The following LHFPL4 variants were observed in gnomAD, a reference collection of about 807,000 sequenced individuals.
LHFPL4 encodes the protein LHFPL tetraspan subfamily member 4 protein.
LHFPL4 carries 6 observed loss-of-function variants against 20.0 expected under a neutral mutation model. The observed-to-expected ratio is 0.30, with a 90% CI of 0.16 to 0.59. The LOEUF (loss-of-function observed/expected upper bound fraction) is 0.59. LHFPL4 is among the 20% of genes least tolerant of loss of function. The pLI, the probability that LHFPL4 is intolerant of heterozygous loss-of-function variation, is 0.88. For missense variants in LHFPL4, 215 were observed against 331.2 expected (o/e 0.65, Z 2.72); for synonymous variants, 129 against 143.8 (o/e 0.90, Z 0.74).
chr3:9,521,247 GAC>G (rs201957620), intron 2 of LHFPL4, among the ~76,000 whole-genome samples: 5,907 of 61,672 alleles, frequency 0.096, 155 homozygotes, highest in Non-Finnish European at 0.13. Context: ...TTTTTTTTTT[GAC>G]AGTGTGGCTC....
chr3:9,520,501 G>T (rs559053042), intron 2 of LHFPL4, among the ~76,000 whole-genome samples: 2 of 151,868 alleles, frequency 1.3e-5, no homozygotes, highest in Non-Finnish European at 2.9e-5. Context: ...TTACAGGCAC[G>T]TGCCACCACG....
At chr3:9,516,940 G>A (rs374655322) in intron 2 of LHFPL4, among the ~76,000 whole-genome samples, 22 of 151,320 alleles carry the variant, frequency 1.5e-4, no homozygotes, top group East Asian at 1.2e-3. Context: ...CCACCACGCC[G>A]GGCTGATTTT....
intron 2 of LHFPL4, among the ~76,000 whole-genome samples, chr3:9,515,282 C>G (rs1316517232): frequency 6.6e-6 from 1 of 152,208 alleles, no homozygotes; most frequent in Non-Finnish European, 1.5e-5. Flanking sequence ...TGCTAACATG[C>G]CATCTGTATA....
chr3:9,547,352 A>G (rs2046522035), intron 2 of LHFPL4, among the ~76,000 whole-genome samples: 1 of 151,922 alleles, frequency 6.6e-6, no homozygotes, highest in Non-Finnish European at 1.5e-5. Flanking sequence ...CCTTAACCAC[A>G]CTTCACCTTG....
chr3:9,528,694 C>A (rs915640353), intron 2 of LHFPL4, among the ~76,000 whole-genome samples: 3 of 152,210 alleles, frequency 2.0e-5, no homozygotes, highest in African/African-American at 7.2e-5. Context: ...CAGCTCACTG[C>A]AACCTCTGTC....
chr3:9,536,906 G>A (rs1439632023), intron 2 of LHFPL4, among the ~76,000 whole-genome samples: 3 of 148,910 alleles, frequency 2.0e-5, no homozygotes, highest in Non-Finnish European at 3.0e-5. Context: ...GTGACAGAGC[G>A]AGACTCTGTC....
chr3:9,546,342 AG>A (rs1341932228), intron 2 of LHFPL4, among the ~76,000 whole-genome samples: 2 of 151,620 alleles, frequency 1.3e-5, no homozygotes, highest in Admixed American at 6.6e-5. Flanking sequence ...AAAGAAAAAA[AG>A]AACACACAAC....
At position 9,552,694 on chromosome 3, in the gene LHFPL4, GGGCC is replaced by G. The variant is rs775418633; in HGVS notation, c.-19_-16del. 5.1e-6 allele frequency: 7 copies of G among 1,369,850 alleles called. No homozygotes were observed. The South Asian group carries it at 1.6e-4, about 30-fold the overall frequency. The allele number at this position is 1,369,850 out of a possible 1,614,324, so 84.9% of individuals were successfully genotyped here. A position where few individuals can be genotyped will look rare whatever the true frequency, so the allele number is the denominator to read the frequency against. On this transcript the variant is annotated 5_prime_UTR_variant, in exon 2 of 4. Coordinates refer to ENST00000287585, the MANE Select transcript of LHFPL4 (RefSeq NM_198560.3). The stretch of plus-strand genomic sequence containing the variant: ...GAGGGCAGCATGGTGCCCGGAGGCG[GGGCC>G]GGCGGCGGCGGCGGCTGGCGGGGGC...
At chr3:9,512,211 G>A (rs1393418173) in intron 2 of LHFPL4, among the ~76,000 whole-genome samples, 1 of 152,206 alleles carries the variant, frequency 6.6e-6, no homozygotes, top group Non-Finnish European at 1.5e-5. Context: ...GATTACAGGC[G>A]TGAGCCACCG....
intron 2 of LHFPL4, among the ~76,000 whole-genome samples, chr3:9,524,800 T>G (rs531924439): frequency 6.6e-6 from 1 of 152,346 alleles, no homozygotes; most frequent in Admixed American, 6.5e-5. Context: ...CCTTTTAGTA[T>G]CCCTTGTAAT....
At chr3:9,538,584 G>A (rs370331221) in intron 2 of LHFPL4, among the ~76,000 whole-genome samples, 6 of 152,156 alleles carry the variant, frequency 3.9e-5, no homozygotes, top group African/African-American at 1.4e-4. Context: ...CCATGAGGCA[G>A]TTATTATTAT....
intron 2 of LHFPL4, among the ~76,000 whole-genome samples, chr3:9,522,290 G>C (rs983674672): frequency 6.6e-6 from 1 of 151,830 alleles, no homozygotes; most frequent in Non-Finnish European, 1.5e-5. Context: ...CACTGTGCCC[G>C]GCCAAGTACC....
intron 2 of LHFPL4, among the ~76,000 whole-genome samples, chr3:9,547,030 C>T (rs2046519502): frequency 6.6e-6 from 1 of 152,182 alleles, no homozygotes; most frequent in Non-Finnish European, 1.5e-5. Flanking sequence ...GCTCTGTTGC[C>T]CAGGCTAGAG....
chr3:9,509,246 C>CA (rs1360708289), intron 2 of LHFPL4, among the ~76,000 whole-genome samples: 3 of 146,766 alleles, frequency 2.0e-5, no homozygotes, highest in African/African-American at 7.7e-5. Context: ...TTCGCACCCC[C>CA]CTCTCTCTCT....
chr3:9,536,171 G>C (rs2046443180), intron 2 of LHFPL4, among the ~76,000 whole-genome samples: 1 of 152,210 alleles, frequency 6.6e-6, no homozygotes, highest in African/African-American at 2.4e-5. Context: ...GTCTCACAGG[G>C]AGATCCCCCA....
intron 2 of LHFPL4, chr3:9,550,563 C>T (rs2125668995): frequency 6.6e-6 from 1 of 152,310 alleles, no homozygotes; most frequent in East Asian, 1.9e-4. Flanking sequence ...CAGGATTAAA[C>T]CCACACAGAT....
chr3:9,551,942 T>C (rs1305179061), intron 2 of LHFPL4, among the ~76,000 whole-genome samples: 2 of 152,054 alleles, frequency 1.3e-5, no homozygotes, highest in Non-Finnish European at 1.5e-5. Flanking sequence ...ATACCTACAG[T>C]AACCCCTCAC....
intron 2 of LHFPL4, among the ~76,000 whole-genome samples, chr3:9,514,449 C>T (rs894186114): frequency 2.0e-5 from 3 of 152,150 alleles, no homozygotes; most frequent in East Asian, 3.8e-4. Flanking sequence ...CCCTCACTAT[C>T]GACATCCCCC....
rs905408729 is a variant in LHFPL4, at chr3:9,506,426, A to G, written c.407-223T>C. ...TAGCAGAAACTTTCTGGAACCCGCA[A>G]TGCCCTCTCCCTTCCCCATGAGATC... On this transcript the variant is annotated intron_variant, in intron 2 of 3. Coordinates refer to ENST00000287585, the MANE Select transcript of LHFPL4 (RefSeq NM_198560.3). The surrounding 1 kb of genome is among the most constrained non-coding windows in gnomAD (Gnocchi z 4.5). Among the ~76,000 whole-genome samples, 1 of 152,088 alleles carries G rather than the reference A, an allele frequency of 6.6e-6. No individual in the cohort carries two copies. The highest frequency in any genetic ancestry group is 6.6e-5 in the Admixed American group (1 of 15,254).
Sources: gnomAD v4.1 joint callset for allele counts (sites outside exome capture counted in the v4.1 genomes callset) on GRCh38, gnomAD v4.1.1 for gene constraint, Gnocchi (gnomAD v3.1) non-coding constraint, MANE v1.5 for transcripts, NCBI Gene and HGNC (gene_info 2026-07-23, HGNC 2026-07-21) for gene names.